The following SYNJ1 variants were observed in gnomAD, a reference collection of about 807,000 sequenced individuals.
SYNJ1 encodes the protein synaptojanin 1, also known as polyphosphatidylinositol phosphatase SYNJ1.
A neutral mutation model predicts 168.2 loss-of-function variants in SYNJ1; 78 were observed. The observed-to-expected ratio is 0.46, with a 90% CI of 0.39 to 0.56. The LOEUF (loss-of-function observed/expected upper bound fraction) is 0.56, where lower values mean the gene tolerates loss of function less well. Ranked by LOEUF, SYNJ1 falls within the 20% of genes least tolerant of loss-of-function variation. The pLI is 0.00. For synonymous variants in SYNJ1, 539 were observed against 548.6 expected (o/e 0.98, Z 0.24); for missense variants, 1,303 against 1,597.6 (o/e 0.82, Z 3.14).
At chr21:32,655,240 G>A (rs1455958382) in intron 21 of SYNJ1, among the ~76,000 whole-genome samples, 3 of 152,118 alleles carry the variant, frequency 2.0e-5, no homozygotes, top group Non-Finnish European at 4.4e-5. Flanking sequence ...CATTTGCTCA[G>A]GAAGACATTT....
intron 18 of SYNJ1, among the ~76,000 whole-genome samples, chr21:32,659,947 C>A (rs894595552): frequency 6.6e-6 from 1 of 152,198 alleles, no homozygotes; most frequent in Admixed American, 6.5e-5. Flanking sequence ...TTGAGCAATG[C>A]GGATCCTGAG....
rs1601309726 is a variant in SYNJ1 at position 32,657,110 on chromosome 21, T to G, written c.2472A>C (p.Leu824=). The change falls in exon 20 of 33, where the codon CTA becomes CTC. Residue 824 remains leucine, a synonymous_variant. Coordinates refer to ENST00000674351, the MANE Select transcript of SYNJ1 (RefSeq NM_203446.3). The part of the protein sequence containing the change: ...KWPFDRSAED[L]DLLNASFQDE... ...CTTGAAAACTAGCATTTAGAAGATC[T>G]AGATCTTCAGCTGCAGTCAGAAGAA... is the stretch of plus-strand genomic sequence containing the variant. 1 of 1,606,264 alleles carries G rather than the reference T, an allele frequency of 6.2e-7. No homozygotes were observed. Among genetic ancestry groups the G allele is most frequent in the Non-Finnish European group, 8.5e-7 (1 of 1,172,872 alleles).
chr21:32,668,271 T>C (rs2041032155), intron 15 of SYNJ1, among the ~76,000 whole-genome samples: 5 of 152,150 alleles, frequency 3.3e-5, no homozygotes, highest in Admixed American at 3.3e-4. Context: ...TTTCACTATA[T>C]TGGCCAGGCT....
chr21:32,638,890 G>A lies in SYNJ1; in HGVS notation c.3915+18C>T, dbSNP rs2039699221. 1 of 1,574,654 alleles carries A rather than the reference G, an allele frequency of 6.4e-7. No homozygotes were observed. Among genetic ancestry groups the A allele is most frequent in the Non-Finnish European group, 8.6e-7 (1 of 1,157,422 alleles). On this transcript the variant is annotated intron_variant, in intron 31 of 32. Transcript: ENST00000674351. ...ATATGCATCAAAGATAATATTTTGT[G>A]TAACAAATGAGACTTACTTGCGGTT...
At chr21:32,688,246 C>T in intron 7 of SYNJ1, 60 bp downstream of exon 7, 2 of 1,470,076 alleles carry the variant, frequency 1.4e-6, no homozygotes, top group Non-Finnish European at 1.9e-6. Context: ...TCAGTAAATA[C>T]AAGCAGTCCC....
At chr21:32,638,465 G>C (rs2039678081) in intron 31 of SYNJ1, among the ~76,000 whole-genome samples, 1 of 152,204 alleles carries the variant, frequency 6.6e-6, no homozygotes, top group Non-Finnish European at 1.5e-5. Context: ...GGGAGACTGA[G>C]GTGGGCAGAT....
At chr21:32,712,597 A>G (rs1985024943) in intron 2 of SYNJ1, among the ~76,000 whole-genome samples, 1 of 152,188 alleles carries the variant, frequency 6.6e-6, no homozygotes, top group Non-Finnish European at 1.5e-5. Context: ...TTGAATGCCT[A>G]CCATGCACCA....
Position 32,631,766 on chromosome 21 carries a change from TTC to T in SYNJ1, c.*37_*38del. On this transcript the variant is annotated 3_prime_UTR_variant, in exon 33 of 33. Transcript: ENST00000674351. ...CAAATGGGTCAATCTTTAATGGTGA[TTC>T]TCTTTTGCCATCAGAGATTCCATTT... 6.2e-7 allele frequency: 1 copy of T among 1,613,270 alleles called. No individual in the cohort carries two copies. The highest frequency in any genetic ancestry group is 8.5e-7 in the Non-Finnish European group (1 of 1,179,546).
At chr21:32,725,502 A>G (rs962335869) in intron 2 of SYNJ1, among the ~76,000 whole-genome samples, 1 of 152,358 alleles carries the variant, frequency 6.6e-6, no homozygotes, top group African/African-American at 2.4e-5. Context: ...TTCAAAAAAT[A>G]TATGTACCAA....
Position 32,700,092 on chromosome 21 carries a change from T to C in SYNJ1, c.225A>G (p.Leu75=). 2 of 1,607,730 alleles carry C rather than the reference T, an allele frequency of 1.2e-6. No individual in the cohort carries two copies. The highest frequency in any genetic ancestry group is 1.7e-6 in the Non-Finnish European group (2 of 1,176,184). The change falls in exon 4 of 33, where the codon TTA becomes TTG. Residue 75 remains leucine (L), a synonymous_variant. Coordinates refer to ENST00000674351, the MANE Select transcript of SYNJ1 (RefSeq NM_203446.3). ...ATCCAGTGACTAGGACCAGATAATG[T>C]AACATAGTATCACCTGCAAAACCCA... ...VLRLNLGDTM[L]HYLVLVTGCM... is the part of the protein sequence containing the mutation.
At chr21:32,654,031 C>T (rs1024557669) in intron 21 of SYNJ1, 5 of 151,790 alleles carry the variant, frequency 3.3e-5, no homozygotes, top group African/African-American at 7.3e-5. Flanking sequence ...TGAAGAGGGT[C>T]GCAGGTATGT....
intron 6 of SYNJ1, among the ~76,000 whole-genome samples, chr21:32,692,365 TC>T (rs1221951653): frequency 6.6e-6 from 1 of 151,820 alleles, no homozygotes; most frequent in Non-Finnish European, 1.5e-5. Context: ...TCACCTGAGA[TC>T]AGGAGTGCAA....
At position 32,671,023 on chromosome 21, in the gene SYNJ1, T is replaced by C. The variant is rs190773942; in HGVS notation, c.1727-651A>G. Among the ~76,000 whole-genome samples, 97 of 152,176 alleles carry C rather than the reference T, an allele frequency of 6.4e-4. 1 individual carries two copies. The highest frequency in any genetic ancestry group is 1.4e-3 in the African/African-American group (60 of 41,500). On this transcript the variant is annotated intron_variant, in intron 14 of 32. Transcript: ENST00000674351. ...AGGACAAATAGCTAGAAAGAGCCTA[T>C]ATGGCCAGATGCTACAGCCCCTGCC... is the stretch of plus-strand genomic sequence containing the variant.
intron 18 of SYNJ1, 64 bp downstream of exon 18, chr21:32,664,849 T>C: frequency 7.1e-7 from 1 of 1,418,242 alleles, no homozygotes; most frequent in Non-Finnish European, 9.4e-7. Context: ...AACATCTTGA[T>C]TTAAAAAGGC....
At chr21:32,714,289 T>C (rs2042944824) in intron 2 of SYNJ1, among the ~76,000 whole-genome samples, 1 of 152,132 alleles carries the variant, frequency 6.6e-6, no homozygotes, top group African/African-American at 2.4e-5. Context: ...TTGTAGGTCA[T>C]CTTAGAGTTT....
chr21:32,658,008 C>T, intron 18 of SYNJ1, 136 bp from the exon 19 acceptor site: 1 of 650,882 alleles, frequency 1.5e-6, no homozygotes, highest in Non-Finnish European at 2.6e-6. Context: ...ATGAACACTT[C>T]TAGCTGAATG....
chr21:32,714,538 C>G lies in SYNJ1; in HGVS notation c.124+12234G>C, dbSNP rs944633501. Reference sequence around the variant, plus strand: ...AAATTAAGAGGAGGAATTGACTAGACTTGGTAATAGAGAGAATGTGTGAAA... The same window carrying G: ...AAATTAAGAGGAGGAATTGACTAGAGTTGGTAATAGAGAGAATGTGTGAAA... On this transcript the variant is annotated intron_variant, in intron 2 of 32. Transcript: ENST00000674351. Among the ~76,000 whole-genome samples, 9 of 152,050 alleles carry G rather than the reference C, an allele frequency of 5.9e-5. No homozygotes were observed. The East Asian group carries it at 1.5e-3, about 26-fold the overall frequency.
intron 29 of SYNJ1, 27 bp from the exon 30 acceptor site, chr21:32,639,806 G>T: frequency 6.3e-7 from 1 of 1,576,548 alleles, no homozygotes; most frequent in South Asian, 1.1e-5. Flanking sequence ...TAACACTTGA[G>T]ACATTTACTT....
At chr21:32,680,376 T>G (rs1441314025) in intron 11 of SYNJ1, among the ~76,000 whole-genome samples, 1 of 152,206 alleles carries the variant, frequency 6.6e-6, no homozygotes, top group Admixed American at 6.5e-5. Flanking sequence ...ATAAATGTTC[T>G]CATTTCTATT....
Sources: allele counts gnomAD v4.1 joint callset (sites outside exome capture counted in the v4.1 genomes callset), GRCh38; gene constraint gnomAD v4.1.1; transcripts MANE v1.5; gene names NCBI Gene and HGNC (gene_info 2026-07-23, HGNC 2026-07-21).